ARHGAP17: variants seen among roughly 807,000 people sequenced by gnomAD.
The protein encoded by ARHGAP17 is rho GTPase-activating protein 17.
ARHGAP17 carries 57 observed loss-of-function variants against 99.5 expected under a neutral mutation model. The observed-to-expected ratio is 0.57, with a 90% confidence interval of 0.46 to 0.71. The LOEUF is 0.71. ARHGAP17 is among the 30% of genes least tolerant of loss of function. The pLI, the probability that ARHGAP17 is intolerant of heterozygous loss-of-function variation, is 0.00. For missense variants in ARHGAP17, 1,000 were observed against 1,122.4 expected (o/e 0.89, Z 1.56); for synonymous variants, 417 against 429.6 (o/e 0.97, Z 0.36).
At chr16:24,933,504 A>G (rs1313436634) in intron 18 of ARHGAP17, among the ~76,000 whole-genome samples, 1 of 151,936 alleles carries the variant, frequency 6.6e-6, no homozygotes, top group Non-Finnish European at 1.5e-5. Context: ...GAAAGGAAAA[A>G]AAAAAAGAAA....
chr16:24,991,358 C>T (rs1391744618), intron 1 of ARHGAP17, among the ~76,000 whole-genome samples: 1 of 152,160 alleles, frequency 6.6e-6, no homozygotes, highest in African/African-American at 2.4e-5. Context: ...CTGAGAATTA[C>T]AACAAATAAT....
rs1268736999 is a variant in ARHGAP17, at chr16:24,941,889, C to T, written c.1490+98G>A. The T allele has an allele frequency of 3.2e-6, 5 of 1,542,696 alleles. No individual in the cohort carries two copies. In the South Asian group the frequency reaches 3.4e-5, roughly 11 times the overall value. ...GACACCATCAGTCATGGGTGGATGG[C>T]GACCACTCTCAAATCCCAAGTCCAC... is the stretch of plus-strand genomic sequence containing the variant. On this transcript the variant is annotated intron_variant, in intron 16 of 19. Coordinates refer to ENST00000289968, the MANE Select transcript of ARHGAP17 (RefSeq NM_001006634.3).
At chr16:25,007,389 A>G (rs1167177618) in intron 1 of ARHGAP17, among the ~76,000 whole-genome samples, 1 of 152,232 alleles carries the variant, frequency 6.6e-6, no homozygotes, top group Non-Finnish European at 1.5e-5. Context: ...ATTTAGAGAC[A>G]GGGTCTCACT....
intron 12 of ARHGAP17, among the ~76,000 whole-genome samples, chr16:24,950,836 CAAAAAA>C (rs1177614713): frequency 3.1e-3 from 121 of 39,434 alleles, no homozygotes; most frequent in African/African-American, 0.012. Flanking sequence ...GACTCCAACT[CAAAAAA>C]AAAAAAAAAA....
chr16:24,957,897 TGTGGGGGCA>T (rs2141259367), intron 9 of ARHGAP17, among the ~76,000 whole-genome samples: 1 of 152,302 alleles, frequency 6.6e-6, no homozygotes, highest in Non-Finnish European at 1.5e-5. Context: ...GTGAGGGGGC[TGTGGGGGCA>T]GGTCACACTT....
chr16:24,942,065 TCGTTTC>T lies in ARHGAP17; in HGVS notation c.1406_1411del (p.Gly469_Asn470del). On this transcript the variant is annotated inframe_deletion, in exon 16 of 20. Coordinates refer to ENST00000289968, the MANE Select transcript of ARHGAP17 (RefSeq NM_001006634.3). ...CCTCTCCAGGGTCCCCGAGTCAGAG[TCGTTTC>T]CAGTGTGGAATGAGTGATTAGAACT... The T allele has an allele frequency of 6.2e-7, 1 of 1,613,850 alleles. No individual in the cohort carries two copies. The highest frequency in any genetic ancestry group is 2.2e-5 in the East Asian group (1 of 44,882).
At chr16:24,933,499 G>GAA (rs555711611) in intron 18 of ARHGAP17, among the ~76,000 whole-genome samples, 11,500 of 137,756 alleles carry the variant, frequency 0.083, 1,446 homozygotes, top group African/African-American at 0.28. Flanking sequence ...CATAAGAAAG[G>GAA]AAAAAAAAAA....
At chr16:25,006,210 T>C (rs2053500186) in intron 1 of ARHGAP17, among the ~76,000 whole-genome samples, 2 of 151,050 alleles carry the variant, frequency 1.3e-5, no homozygotes, top group Admixed American at 1.3e-4. Context: ...GAAGCAAAGA[T>C]GAAGTCAACA....
At chr16:24,964,849 C>G (rs531955541) in intron 6 of ARHGAP17, among the ~76,000 whole-genome samples, 2 of 152,248 alleles carry the variant, frequency 1.3e-5, no homozygotes, top group South Asian at 2.1e-4. Context: ...TGGCTCACGC[C>G]TGTAATCCCA....
chr16:24,987,380 C>T (rs1437024180), intron 1 of ARHGAP17, among the ~76,000 whole-genome samples: 1 of 152,198 alleles, frequency 6.6e-6, no homozygotes, highest in African/African-American at 2.4e-5. Context: ...AGTTTGCTGA[C>T]CCCTGATCTA....
chr16:24,975,507 G>A (rs1245318732), intron 3 of ARHGAP17, among the ~76,000 whole-genome samples: 1 of 152,216 alleles, frequency 6.6e-6, no homozygotes, highest in Admixed American at 6.5e-5. Flanking sequence ...CTGGTTCCGA[G>A]GGACAGAGCT....
intron 7 of ARHGAP17, among the ~76,000 whole-genome samples, chr16:24,960,749 A>G (rs559544297): frequency 3.4e-5 from 5 of 146,544 alleles, no homozygotes; most frequent in African/African-American, 1.0e-4. Flanking sequence ...CCCGGGAGGC[A>G]GAGCTTGCAG....
intron 6 of ARHGAP17, 47 bp downstream of exon 6, chr16:24,968,304 G>A (rs778002400): frequency 1.3e-5 from 21 of 1,592,220 alleles, no homozygotes; most frequent in Middle Eastern, 1.7e-4. Context: ...CTTCTCCCCC[G>A]TGGTGGGAAT....
At chr16:24,978,507 G>A (rs7203850) in intron 2 of ARHGAP17, among the ~76,000 whole-genome samples, 48,225 of 152,134 alleles carry the variant, frequency 0.32, 7,865 homozygotes, top group East Asian at 0.5. Context: ...GGCAAATCAA[G>A]GGATGTTTCA....
intron 14 of ARHGAP17, among the ~76,000 whole-genome samples, chr16:24,944,676 G>A (rs1835624757): frequency 6.6e-6 from 1 of 151,982 alleles, no homozygotes; most frequent in African/African-American, 2.4e-5. Flanking sequence ...GAGTGCAGTG[G>A]CGCTATCTCA....
At chr16:24,959,551 C>T in intron 9 of ARHGAP17, 120 bp downstream of exon 9, 1 of 929,108 alleles carries the variant, frequency 1.1e-6, no homozygotes, top group East Asian at 2.6e-5. Context: ...AAACAGTACC[C>T]TCCTAGGCAG....
At chr16:24,970,725 C>T (rs2052337914) in intron 3 of ARHGAP17, 145 bp from the exon 4 acceptor site, 2 of 710,484 alleles carry the variant, frequency 2.8e-6, no homozygotes, top group Non-Finnish European at 4.9e-6. Flanking sequence ...GTTCTGGTCT[C>T]ACAGATATTA....
chr16:25,015,311 G>A lies in ARHGAP17; in HGVS notation c.-50C>T. On this transcript the variant is annotated 5_prime_UTR_variant, in exon 1 of 20. Transcript: ENST00000289968. ...CGGGGCTCGGGCCGGGCAGGGCGGGGGACAGCCTGGCAGCTACTACATCGC... is the reference window on the plus strand; with the variant it reads ...CGGGGCTCGGGCCGGGCAGGGCGGGAGACAGCCTGGCAGCTACTACATCGC... The A allele has an allele frequency of 2.3e-6, 3 of 1,281,900 alleles. No homozygotes were observed. Among genetic ancestry groups the A allele is most frequent in the East Asian group, 6.5e-5 (2 of 30,610 alleles). 79.4% of individuals were successfully genotyped at this position (1,281,900 alleles called of 1,614,324 possible). A position where few individuals can be genotyped will look rare whatever the true frequency, so the allele number is the denominator to read the frequency against.
At chr16:24,965,559 T>A (rs2052154868) in intron 6 of ARHGAP17, among the ~76,000 whole-genome samples, 1 of 152,216 alleles carries the variant, frequency 6.6e-6, no homozygotes, top group Non-Finnish European at 1.5e-5. Context: ...AATGCTATGT[T>A]CTGCCCACTT....
Sources: allele counts gnomAD v4.1 joint callset (sites outside exome capture counted in the v4.1 genomes callset), GRCh38; gene constraint gnomAD v4.1.1; transcripts MANE v1.5; gene names NCBI Gene and HGNC (gene_info 2026-07-23, HGNC 2026-07-21).